ZFAND3: variants seen among roughly 807,000 people sequenced by gnomAD.
ZFAND3 encodes the protein zinc finger AN1-type containing 3, also known as AN1-type zinc finger protein 3.
In ZFAND3, 10 loss-of-function variants were observed where a neutral mutation model predicts 29.6. The ratio of observed to expected loss-of-function variants is 0.34; its 90% CI spans 0.21 to 0.57. ZFAND3 has a LOEUF of 0.57. Ranked by LOEUF, ZFAND3 falls within the 20% of genes least tolerant of loss-of-function variation. ZFAND3 has a pLI of 0.86. For missense variants in ZFAND3, 230 were observed against 304.5 expected, an observed-to-expected ratio of 0.76 and a Z score of 1.82; for synonymous variants, 128 against 112.6, an observed-to-expected ratio of 1.14 and a Z score of -0.87.
chr6:37,912,034 G>C (rs1160845031), intron 1 of ZFAND3, among the ~76,000 whole-genome samples: 1 of 69,786 alleles, frequency 1.4e-5, no homozygotes, highest in East Asian at 9.7e-4. Context: ...TTTTATCTGT[G>C]TGTGTGTGTG....
At chr6:38,144,991 T>C (rs1368487274) in intron 5 of ZFAND3, among the ~76,000 whole-genome samples, 2 of 152,208 alleles carry the variant, frequency 1.3e-5, no homozygotes, top group Non-Finnish European at 2.9e-5. Flanking sequence ...CTCAGGAAAT[T>C]CTGTGTAAAA....
chr6:38,027,111 T>C (rs1763466343), intron 2 of ZFAND3, among the ~76,000 whole-genome samples: 1 of 152,204 alleles, frequency 6.6e-6, no homozygotes, highest in Non-Finnish European at 1.5e-5. Flanking sequence ...TGATGGATAG[T>C]GAACAGTTAG....
intron 1 of ZFAND3, among the ~76,000 whole-genome samples, chr6:37,929,181 A>G (rs1415289456): frequency 6.6e-6 from 1 of 152,172 alleles, no homozygotes; most frequent in Non-Finnish European, 1.5e-5. Flanking sequence ...TCTGGCATAA[A>G]CGGGTTAAAT....
intron 2 of ZFAND3, among the ~76,000 whole-genome samples, chr6:38,047,619 C>T (rs951078052): frequency 1.3e-5 from 2 of 152,196 alleles, no homozygotes; most frequent in East Asian, 1.9e-4. Flanking sequence ...GGCTCAGCTA[C>T]GTGACTTCTT....
chr6:37,828,785 G>A (rs1189226892), intron 1 of ZFAND3, among the ~76,000 whole-genome samples: 2 of 152,056 alleles, frequency 1.3e-5, no homozygotes, highest in Non-Finnish European at 2.9e-5. Context: ...CGAGTAGCTG[G>A]GACTACAGGT....
At chr6:37,874,638 G>T (rs886645122) in intron 1 of ZFAND3, among the ~76,000 whole-genome samples, 2 of 152,030 alleles carry the variant, frequency 1.3e-5, no homozygotes, top group Non-Finnish European at 1.5e-5. Flanking sequence ...TCCAAATAAG[G>T]TCACATCTGA....
chr6:37,946,182 A>G (rs1156439847), intron 2 of ZFAND3, among the ~76,000 whole-genome samples: 1 of 152,200 alleles, frequency 6.6e-6, no homozygotes, highest in Non-Finnish European at 1.5e-5. Context: ...TAAAAACTGC[A>G]ACCAAGGGAA....
chr6:38,008,620 CTCTT>C (rs1763091606), intron 2 of ZFAND3, among the ~76,000 whole-genome samples: 1 of 152,142 alleles, frequency 6.6e-6, no homozygotes, highest in Admixed American at 6.5e-5. Context: ...CTCACCTCTT[CTCTT>C]TCTCTCCTTC....
At chr6:38,083,290 A>G (rs1328115306) in intron 4 of ZFAND3, among the ~76,000 whole-genome samples, 3 of 152,120 alleles carry the variant, frequency 2.0e-5, no homozygotes, top group Non-Finnish European at 4.4e-5. Context: ...AGTCAGGCCC[A>G]TGTTTGCATA....
At chr6:37,914,474 G>C (rs1761196069) in intron 1 of ZFAND3, among the ~76,000 whole-genome samples, 1 of 151,944 alleles carries the variant, frequency 6.6e-6, no homozygotes, top group South Asian at 2.1e-4. Flanking sequence ...GAGTAGTGGG[G>C]ATTACAGGTG....
intron 2 of ZFAND3, among the ~76,000 whole-genome samples, chr6:38,014,167 A>G (rs1455506948): frequency 6.6e-6 from 1 of 152,158 alleles, no homozygotes; most frequent in East Asian, 1.9e-4. Context: ...TAAAGGCTGT[A>G]TGGGATTGAC....
intron 3 of ZFAND3, among the ~76,000 whole-genome samples, chr6:38,076,788 C>T (rs1764563783): frequency 1.3e-5 from 2 of 152,170 alleles, no homozygotes; most frequent in African/African-American, 2.4e-5. Flanking sequence ...ATTATATAGA[C>T]AGCCTAGGTG....
At chr6:38,006,191 T>C (rs934926457) in intron 2 of ZFAND3, among the ~76,000 whole-genome samples, 6 of 152,174 alleles carry the variant, frequency 3.9e-5, no homozygotes, top group African/African-American at 1.4e-4. Context: ...CAATTTATAG[T>C]CTTTTTTGTG....
chr6:38,126,523 G>A (rs1203268162), intron 5 of ZFAND3, among the ~76,000 whole-genome samples: 1 of 152,152 alleles, frequency 6.6e-6, no homozygotes, highest in Non-Finnish European at 1.5e-5. Context: ...CAATGCATTA[G>A]GGTTCCAGTT....
chr6:37,933,047 TAAG>T (rs766916104), intron 2 of ZFAND3, among the ~76,000 whole-genome samples: 6 of 152,186 alleles, frequency 3.9e-5, no homozygotes, highest in Admixed American at 6.5e-5. Flanking sequence ...AGTATGAACA[TAAG>T]GAGAGTATAG....
At chr6:38,150,353 T>A (rs752387067) in intron 5 of ZFAND3, among the ~76,000 whole-genome samples, 1 of 152,190 alleles carries the variant, frequency 6.6e-6, no homozygotes, top group Admixed American at 6.5e-5. Context: ...GTTAATAATG[T>A]TTCCTCACAC....
At chr6:37,958,264 G>A (rs1237172600) in intron 2 of ZFAND3, among the ~76,000 whole-genome samples, 1 of 152,122 alleles carries the variant, frequency 6.6e-6, no homozygotes, top group African/African-American at 2.4e-5. Context: ...GACCAGCCAG[G>A]CCAACATGGG....
At chr6:37,947,393 G>A (rs1761922678) in intron 2 of ZFAND3, among the ~76,000 whole-genome samples, 1 of 152,068 alleles carries the variant, frequency 6.6e-6, no homozygotes, top group South Asian at 2.1e-4. Flanking sequence ...AGTTGTGGTG[G>A]CTTAGATTTT....
chr6:38,068,870 G>A (rs1019727019), intron 3 of ZFAND3, among the ~76,000 whole-genome samples: 1 of 152,136 alleles, frequency 6.6e-6, no homozygotes, highest in Non-Finnish European at 1.5e-5. Context: ...TCCACCTCTG[G>A]TTAAATTAAT....
Sources: allele counts gnomAD v4.1 joint callset (sites outside exome capture counted in the v4.1 genomes callset), GRCh38; gene constraint gnomAD v4.1.1; transcripts MANE v1.5; gene names NCBI Gene and HGNC (gene_info 2026-07-23, HGNC 2026-07-21).